PACRG: variants seen among roughly 807,000 people sequenced by gnomAD.
PACRG encodes parkin coregulated gene protein.
PACRG carries 29 observed loss-of-function variants against 29.7 expected under a neutral mutation model. That is an observed-to-expected ratio of 0.98 (90% CI 0.73 to 1.33). The LOEUF is 1.33. Ranked by LOEUF, PACRG falls within the 40% of genes most tolerant of loss-of-function variation. PACRG has a pLI of 0.00. For synonymous variants in PACRG, 116 were observed against 118.7 expected, an observed-to-expected ratio of 0.98 and a Z score of 0.15; for missense variants, 279 against 316.2, an observed-to-expected ratio of 0.88 and a Z score of 0.89.
intron 4 of PACRG, among the ~76,000 whole-genome samples, chr6:163,201,475 C>T (rs1007040993): frequency 1.3e-5 from 2 of 152,224 alleles, no homozygotes; most frequent in Non-Finnish European, 2.9e-5. Context: ...GGGGAGCCTG[C>T]TCAGGAATCG....
intron 4 of PACRG, among the ~76,000 whole-genome samples, chr6:163,271,021 G>A (rs1783804798): frequency 6.6e-6 from 1 of 152,096 alleles, no homozygotes; most frequent in South Asian, 2.1e-4. Flanking sequence ...GAAGAGCAAG[G>A]AAGCCAGTTC....
chr6:162,950,612 G>A (rs1385550658), intron 2 of PACRG, among the ~76,000 whole-genome samples: 1 of 152,050 alleles, frequency 6.6e-6, no homozygotes, highest in Non-Finnish European at 1.5e-5. Context: ...ATATGGTTTT[G>A]GATATACGTT....
At chr6:162,983,290 T>C (rs989525130) in intron 2 of PACRG, among the ~76,000 whole-genome samples, 10 of 152,214 alleles carry the variant, frequency 6.6e-5, no homozygotes, top group Non-Finnish European at 1.5e-5. Flanking sequence ...GTGGAGCATT[T>C]AGGCCATTTA....
At chr6:163,161,514 G>A (rs989998755) in intron 4 of PACRG, among the ~76,000 whole-genome samples, 2 of 152,138 alleles carry the variant, frequency 1.3e-5, no homozygotes, top group African/African-American at 2.4e-5. Flanking sequence ...CTTCTTGATG[G>A]ACATTAGGTT....
intron 2 of PACRG, among the ~76,000 whole-genome samples, chr6:162,830,713 T>C (rs1481897891): frequency 6.6e-6 from 1 of 152,084 alleles, no homozygotes; most frequent in Non-Finnish European, 1.5e-5. Flanking sequence ...TGGTGGGGGG[T>C]AGACGTCTTA....
At chr6:163,070,396 A>C (rs188074971) in intron 3 of PACRG, among the ~76,000 whole-genome samples, 1 of 152,236 alleles carries the variant, frequency 6.6e-6, no homozygotes, top group East Asian at 1.9e-4. Context: ...AAAAAAAGTT[A>C]AAAAGCAGGG....
chr6:163,277,697 A>C (rs1414427240), intron 4 of PACRG, among the ~76,000 whole-genome samples: 5 of 149,976 alleles, frequency 3.3e-5, no homozygotes, highest in East Asian at 2.0e-4. Flanking sequence ...ATATCTATAT[A>C]TATAGATATA....
intron 4 of PACRG, among the ~76,000 whole-genome samples, chr6:163,134,623 T>C (rs1816857088): frequency 6.6e-6 from 1 of 152,188 alleles, no homozygotes; most frequent in Non-Finnish European, 1.5e-5. Flanking sequence ...ACTCTATTAA[T>C]GTACATCTTA....
chr6:162,946,116 A>C (rs2128124667), intron 2 of PACRG, among the ~76,000 whole-genome samples: 1 of 152,220 alleles, frequency 6.6e-6, no homozygotes, highest in East Asian at 1.9e-4. Flanking sequence ...GTCAAGAACA[A>C]GCCAAACCCC....
intron 3 of PACRG, among the ~76,000 whole-genome samples, chr6:163,084,579 G>A (rs1006989633): frequency 6.6e-6 from 1 of 152,102 alleles, no homozygotes; most frequent in African/African-American, 2.4e-5. Context: ...AGGACTTAGA[G>A]CTCCATTTTA....
intron 4 of PACRG, among the ~76,000 whole-genome samples, chr6:163,115,481 A>G (rs777794802): frequency 6.6e-6 from 1 of 152,170 alleles, no homozygotes; most frequent in African/African-American, 2.4e-5. Flanking sequence ...TTTTTACTGC[A>G]GTGGATGCAT....
intron 4 of PACRG, among the ~76,000 whole-genome samples, chr6:163,093,329 G>A (rs1814287023): frequency 6.6e-6 from 1 of 152,302 alleles, no homozygotes; most frequent in South Asian, 2.1e-4. Flanking sequence ...TGCTTTGAGG[G>A]GAAAGAAAGG....
At chr6:163,011,856 A>G (rs1173011153) in intron 2 of PACRG, among the ~76,000 whole-genome samples, 1 of 152,110 alleles carries the variant, frequency 6.6e-6, no homozygotes, top group Non-Finnish European at 1.5e-5. Flanking sequence ...AAACATACAC[A>G]TTAGCCTGAG....
intron 4 of PACRG, among the ~76,000 whole-genome samples, chr6:163,281,162 G>A (rs781684408): frequency 4.6e-4 from 70 of 152,216 alleles, no homozygotes; most frequent in Non-Finnish European, 9.1e-4. Context: ...CGGTGGAGAG[G>A]TGGGGCCAGC....
intron 1 of PACRG, among the ~76,000 whole-genome samples, chr6:162,800,468 A>G (rs1400884431): frequency 2.0e-5 from 3 of 152,230 alleles, no homozygotes; most frequent in Non-Finnish European, 4.4e-5. Context: ...CAGTTTATCT[A>G]TAAATTTTGA....
chr6:163,241,149 A>G (rs1256773257), intron 4 of PACRG, among the ~76,000 whole-genome samples: 1 of 152,180 alleles, frequency 6.6e-6, no homozygotes, highest in African/African-American at 2.4e-5. Context: ...ATACCATGTA[A>G]ATTTCATTAC....
chr6:162,916,563 T>C (rs549301633), intron 2 of PACRG, among the ~76,000 whole-genome samples: 4 of 152,208 alleles, frequency 2.6e-5, no homozygotes, highest in African/African-American at 9.6e-5. Context: ...TTCCTTTTTT[T>C]CCTTAACCAT....
intron 4 of PACRG, among the ~76,000 whole-genome samples, chr6:163,279,095 C>T (rs181152943): frequency 2.0e-5 from 3 of 152,146 alleles, no homozygotes; most frequent in African/African-American, 7.2e-5. Flanking sequence ...TCTTTTTGCA[C>T]CTCTTGTGAA....
Position 163,166,166 on chromosome 6 carries a change from G to T in PACRG, c.613+76758G>T, listed in dbSNP as rs574368383. On this transcript the variant is annotated intron_variant, in intron 4 of 4. Transcript: ENST00000366888. ...GCTTGCGCCCGGCACATGTGAAAGGGTTTTGTGCTCGTTTCCTCTGCATCT... is the reference window on the plus strand; with the variant it reads ...GCTTGCGCCCGGCACATGTGAAAGGTTTTTGTGCTCGTTTCCTCTGCATCT... 6.6e-6 allele frequency: 3 copies of T among 456,250 alleles called. No homozygotes were observed. The Admixed American group carries it at 7.0e-5, about 11-fold the overall frequency. The allele number at this position is 456,250 out of a possible 1,614,324, so 28.3% of individuals were successfully genotyped here.
Sources: gnomAD v4.1 joint callset for allele counts (sites outside exome capture counted in the v4.1 genomes callset) on GRCh38, gnomAD v4.1.1 for gene constraint, MANE v1.5 for transcripts, NCBI Gene and HGNC (gene_info 2026-07-23, HGNC 2026-07-21) for gene names.